Variants in TCF12 observed in about 807,000 individuals in gnomAD.
TCF12 encodes the protein transcription factor 12, also known as DNA-binding protein HTF4.
TCF12 carries 45 observed loss-of-function variants against 86.0 expected under a neutral mutation model. That is an observed-to-expected ratio of 0.52 (90% CI 0.41 to 0.67). The LOEUF (loss-of-function observed/expected upper bound fraction) is 0.67, where lower values mean the gene tolerates loss of function less well. TCF12 is among the 30% of genes least tolerant of loss of function. The pLI, the probability that TCF12 is intolerant of heterozygous loss-of-function variation, is 0.00. For synonymous variants in TCF12, 330 were observed against 299.6 expected, an observed-to-expected ratio of 1.10 and a Z score of -1.05; for missense variants, 881 against 859.9, an observed-to-expected ratio of 1.02 and a Z score of -0.31.
intron 5 of TCF12, among the ~76,000 whole-genome samples, chr15:57,113,835 A>C (rs1055893544): frequency 5.3e-5 from 8 of 151,582 alleles, no homozygotes; most frequent in African/African-American, 1.9e-4. Flanking sequence ...ATGCACCTGT[A>C]GTCCCAGCTA....
chr15:57,243,063 G>C (rs1224279812), intron 12 of TCF12, among the ~76,000 whole-genome samples: 1 of 152,164 alleles, frequency 6.6e-6, no homozygotes. Flanking sequence ...CCTTTAAACT[G>C]TCCATAAAGA....
chr15:57,088,253 T>C (rs552110848), intron 4 of TCF12, among the ~76,000 whole-genome samples: 1 of 152,302 alleles, frequency 6.6e-6, no homozygotes, highest in South Asian at 2.1e-4. Context: ...TTTTGCTTTG[T>C]TCTCTGCTAT....
At chr15:56,972,582 C>T (rs1041412643) in intron 3 of TCF12, among the ~76,000 whole-genome samples, 3 of 152,140 alleles carry the variant, frequency 2.0e-5, no homozygotes, top group African/African-American at 7.2e-5. Flanking sequence ...ATACATCTGT[C>T]TGCAAATGAG....
At chr15:57,057,245 C>A (rs1340495809) in intron 3 of TCF12, among the ~76,000 whole-genome samples, 1 of 152,210 alleles carries the variant, frequency 6.6e-6, no homozygotes, top group Non-Finnish European at 1.5e-5. Flanking sequence ...CCTCTCTTTT[C>A]TGGCCTTCTC....
At chr15:57,141,197 A>C (rs1315486687) in intron 5 of TCF12, among the ~76,000 whole-genome samples, 1 of 152,164 alleles carries the variant, frequency 6.6e-6, no homozygotes, top group African/African-American at 2.4e-5. Flanking sequence ...TTATTTTCTT[A>C]GTCACTGTCC....
intron 3 of TCF12, among the ~76,000 whole-genome samples, chr15:57,044,523 T>A (rs1322202509): frequency 1.3e-5 from 2 of 152,248 alleles, no homozygotes; most frequent in Admixed American, 1.3e-4. Context: ...ACCTGTTGAA[T>A]GAATCATCAT....
intron 19 of TCF12, among the ~76,000 whole-genome samples, chr15:57,277,096 G>A (rs1359077147): frequency 2.0e-5 from 3 of 152,042 alleles, no homozygotes; most frequent in South Asian, 2.1e-4. Flanking sequence ...GTGAGCCACC[G>A]CACCTGGCCA....
rs138517698 is a variant in TCF12, at chr15:56,972,881, T to C, written c.148+51783T>C. Among the ~76,000 whole-genome samples, 622 of 152,266 alleles carry C rather than the reference T, an allele frequency of 4.1e-3. 7 individuals are homozygous for C. Among genetic ancestry groups the C allele is most frequent in the Admixed American group, 0.021 (320 of 15,284 alleles). On this transcript the variant is annotated intron_variant, in intron 3 of 20. Transcript: ENST00000333725. ...AGACTAACACAACTTTTGAACACAG[T>C]GTTTGGACTATATAGCTTCAGGACT...
intron 5 of TCF12, among the ~76,000 whole-genome samples, chr15:57,095,329 T>C (rs2049252065): frequency 6.6e-6 from 1 of 152,232 alleles, no homozygotes; most frequent in African/African-American, 2.4e-5. Context: ...CCCTTGATCC[T>C]CTCATTAATT....
chr15:57,079,977 C>T (rs1288899132), intron 4 of TCF12, among the ~76,000 whole-genome samples: 2 of 152,100 alleles, frequency 1.3e-5, no homozygotes, highest in Admixed American at 6.5e-5. Flanking sequence ...ATTCTAAAAA[C>T]GCTTTCTCAA....
At chr15:57,035,640 G>A (rs1282763240) in intron 3 of TCF12, among the ~76,000 whole-genome samples, 1 of 152,118 alleles carries the variant, frequency 6.6e-6, no homozygotes, top group East Asian at 1.9e-4. Flanking sequence ...GCTTTTAATG[G>A]ACTTTGAAGG....
intron 3 of TCF12, among the ~76,000 whole-genome samples, chr15:57,010,557 C>T (rs551066023): frequency 2.6e-4 from 40 of 152,190 alleles, no homozygotes; most frequent in African/African-American, 9.4e-4. Flanking sequence ...GATTTTTTGA[C>T]TCTTAGGTGG....
chr15:57,090,522 A>G (rs112454879), intron 4 of TCF12, among the ~76,000 whole-genome samples: 1,768 of 152,336 alleles, frequency 0.012, 38 homozygotes, highest in African/African-American at 0.041. Flanking sequence ...TGTGACATGC[A>G]TCTATAAACA....
chr15:57,023,512 A>G (rs142020996), intron 3 of TCF12, among the ~76,000 whole-genome samples: 100 of 152,244 alleles, frequency 6.6e-4, no homozygotes, highest in African/African-American at 2.1e-3. Context: ...CACCAACCAT[A>G]TGAGTTGTAC....
rs2059767397 is a variant in TCF12 at position 56,921,010 on chromosome 15, T to G, written c.76-16T>G. On this transcript the variant is annotated splice_polypyrimidine_tract_variant and intron_variant, in intron 2 of 20. Transcript: ENST00000333725. ...AGAATTTCAGGACTAACAGATATATTTGGGTTATTTTGCAGATGTTTTCCC... is the reference window on the plus strand; with the variant it reads ...AGAATTTCAGGACTAACAGATATATGTGGGTTATTTTGCAGATGTTTTCCC... The G allele has an allele frequency of 6.3e-7, 1 of 1,585,360 alleles. No homozygotes were observed. The highest frequency in any genetic ancestry group is 8.6e-7 in the Non-Finnish European group (1 of 1,165,510).
chr15:57,040,254 A>G (rs565977602), intron 3 of TCF12, among the ~76,000 whole-genome samples: 5 of 152,332 alleles, frequency 3.3e-5, no homozygotes, highest in East Asian at 1.9e-4. Flanking sequence ...TTATCGTTCA[A>G]TCTAGATTCC....
At chr15:57,222,257 G>A (rs1374215259) in intron 8 of TCF12, among the ~76,000 whole-genome samples, 23 of 147,532 alleles carry the variant, frequency 1.6e-4, no homozygotes, top group Non-Finnish European at 2.7e-4. Flanking sequence ...CGAGTTGATT[G>A]CATATATTTA....
chr15:57,048,672 G>C (rs1396012383), intron 3 of TCF12, among the ~76,000 whole-genome samples: 1 of 151,886 alleles, frequency 6.6e-6, no homozygotes, highest in Non-Finnish European at 1.5e-5. Flanking sequence ...TATCATTTTG[G>C]TTTGTATCGA....
intron 5 of TCF12, among the ~76,000 whole-genome samples, chr15:57,146,877 G>A (rs1272694665): frequency 2.0e-5 from 3 of 152,076 alleles, no homozygotes; most frequent in African/African-American, 7.2e-5. Flanking sequence ...GTCTGCGGTG[G>A]GGAAAATCAC....
Sources: allele counts gnomAD v4.1 joint callset (sites outside exome capture counted in the v4.1 genomes callset), GRCh38; gene constraint gnomAD v4.1.1; transcripts MANE v1.5; gene names NCBI Gene and HGNC (gene_info 2026-07-23, HGNC 2026-07-21).